Variants in RRP1B observed in about 807,000 individuals in gnomAD.
RRP1B encodes the protein ribosomal RNA processing 1B.
RRP1B carries 56 observed loss-of-function variants against 80.2 expected under a neutral mutation model. That is an observed-to-expected ratio of 0.70 (90% CI 0.56 to 0.87). The LOEUF (loss-of-function observed/expected upper bound fraction) is 0.87, where lower values mean the gene tolerates loss of function less well. Among genes scored for constraint, RRP1B ranks in the 40% least tolerant of loss-of-function variants. The pLI is 0.00. For missense variants in RRP1B, 807 were observed against 939.8 expected (o/e 0.86, Z 1.85); for synonymous variants, 351 against 357.6 (o/e 0.98, Z 0.21).
At position 43,691,403 on chromosome 21, in the gene RRP1B, G is replaced by T; in HGVS notation, c.2020-36G>T. 1 of 1,608,206 alleles carries T rather than the reference G, an allele frequency of 6.2e-7. No individual in the cohort carries two copies. ...GACTAAGCGCCTCCACTGCACTTGCGTCACTCCTTTTGTTCCTGTTATTTC... is the reference window on the plus strand; with the variant it reads ...GACTAAGCGCCTCCACTGCACTTGCTTCACTCCTTTTGTTCCTGTTATTTC... On this transcript the variant is annotated intron_variant, in intron 14 of 15. Transcript: ENST00000340648. This position sits in a 1 kb window ranked among gnomAD's most constrained non-coding sequence, Gnocchi z 4.2.
chr21:43,679,546 T>C (rs1488052045), intron 8 of RRP1B, among the ~76,000 whole-genome samples: 1 of 152,240 alleles, frequency 6.6e-6, no homozygotes, highest in Non-Finnish European at 1.5e-5. Context: ...GTGCCGGGAT[T>C]ACAGGCATGA....
At chr21:43,668,208 CAAA>C (rs774028334) in intron 1 of RRP1B, among the ~76,000 whole-genome samples, 3 of 118,438 alleles carry the variant, frequency 2.5e-5, no homozygotes, top group Non-Finnish European at 3.7e-5. Context: ...GACTCTATCT[CAAA>C]AAAAAAAAAA....
rs1383076967 is a variant in RRP1B at position 43,685,753 on chromosome 21, TA to T, written c.990-16del. 6 of 1,486,812 alleles carry T rather than the reference TA, an allele frequency of 4.0e-6. No individual in the cohort carries two copies. Among genetic ancestry groups the T allele is most frequent in the South Asian group, 1.4e-5 (1 of 70,346 alleles). 92.1% of individuals were successfully genotyped at this position (1,486,812 alleles called of 1,614,324 possible). On this transcript the variant is annotated splice_polypyrimidine_tract_variant and intron_variant, in intron 10 of 15. Transcript: ENST00000340648. The stretch of plus-strand genomic sequence containing the variant: ...TGTTATTTTTTTATTTTTTATTTTT[TA>T]TTTTTTTATTTTTAGATTCCAAGAC...
In RRP1B at chr21:43,659,937, A is replaced by T. The variant is rs547422398; in HGVS notation, c.130+143A>T. 308 of 955,918 alleles carry T rather than the reference A, an allele frequency of 3.2e-4. 2 individuals carry two copies. The Middle Eastern group carries it at 4.3e-3, about 13-fold the overall frequency. 59.2% of individuals were successfully genotyped at this position (955,918 alleles called of 1,614,324 possible). ...GTGCTTCGGTTTCCGCGCTGCCGGA[A>T]CCGCTTCTTGCTGTGTCTAGTGCCT... On this transcript the variant is annotated intron_variant, in intron 1 of 15. Coordinates refer to ENST00000340648, the MANE Select transcript of RRP1B (RefSeq NM_015056.3). This position sits in a 1 kb window ranked among gnomAD's most constrained non-coding sequence, Gnocchi z 4.2.
In RRP1B at chr21:43,688,036, C is replaced by T. The variant is rs754666630; in HGVS notation, c.1662C>T (p.Pro554=). ...AGCAGGAAGGCCCTCCCACAGGCCC[C>T]GCAGAGGGGGCGAACAGCCACACCA... is the stretch of plus-strand genomic sequence containing the variant. ...PLQQEGPPTG[P]AEGANSHTTL... is the part of the protein sequence containing the mutation. The change falls in exon 13 of 16, where the codon CCC becomes CCT. Residue 554 remains proline, a synonymous_variant. Coordinates refer to ENST00000340648, the MANE Select transcript of RRP1B (RefSeq NM_015056.3). 6.8e-6 allele frequency: 11 copies of T among 1,612,032 alleles called. No individual in the cohort carries two copies. The highest frequency in any genetic ancestry group is 1.3e-5 in the African/African-American group (1 of 74,914).
At chr21:43,680,178 A>C (rs2083037779) in intron 8 of RRP1B, among the ~76,000 whole-genome samples, 1 of 152,080 alleles carries the variant, frequency 6.6e-6, no homozygotes, top group Non-Finnish European at 1.5e-5. Flanking sequence ...GATGCCGTTT[A>C]TTTCTTTTCT....
chr21:43,688,920 G>A (rs2083075344), intron 13 of RRP1B, among the ~76,000 whole-genome samples: 1 of 152,214 alleles, frequency 6.6e-6, no homozygotes, highest in Non-Finnish European at 1.5e-5. Context: ...CTCCCAAGTA[G>A]CTGGAATTAC....
chr21:43,695,066 C>T lies in RRP1B; in HGVS notation c.*1683C>T. ...CTGTAATGAGAAGTCTTACGTACAA[C>T]ATAGCTGTGGTGGCTTAATGGCTGC... is the stretch of plus-strand genomic sequence containing the variant. On this transcript the variant is annotated 3_prime_UTR_variant, in exon 16 of 16. Transcript: ENST00000340648. The T allele has an allele frequency of 1.1e-5, 1 of 91,630 alleles. No homozygotes were observed. 5.7% of individuals were successfully genotyped at this position (91,630 alleles called of 1,614,324 possible).
chr21:43,672,175 C>A, intron 2 of RRP1B, 133 bp from the exon 3 acceptor site: 1 of 719,860 alleles, frequency 1.4e-6, no homozygotes, highest in Non-Finnish European at 2.5e-6. Context: ...CGGATACATA[C>A]TTCTTAGTGG....
chr21:43,683,872 G>T (rs955047003), intron 9 of RRP1B, among the ~76,000 whole-genome samples: 1 of 151,040 alleles, frequency 6.6e-6, no homozygotes, highest in Non-Finnish European at 1.5e-5. Context: ...CCAGCTACTC[G>T]GGAGGCTGAG....
In RRP1B at chr21:43,691,337, T is replaced by A. The variant is rs1442407940; in HGVS notation, c.2020-102T>A. 9.7e-7 allele frequency: 1 copy of A among 1,035,092 alleles called. No individual in the cohort carries two copies. Among genetic ancestry groups the A allele is most frequent in the Non-Finnish European group, 1.5e-6 (1 of 679,826 alleles). The allele number at this position is 1,035,092 out of a possible 1,614,324, so 64.1% of individuals were successfully genotyped here. A position where few individuals can be genotyped will look rare whatever the true frequency, so the allele number is the denominator to read the frequency against. On this transcript the variant is annotated intron_variant, in intron 14 of 15. Transcript: ENST00000340648. This position sits in a 1 kb window ranked among gnomAD's most constrained non-coding sequence, Gnocchi z 4.2. Reference sequence around the variant, plus strand: ...ATGTGCCACTCAGTAAGCAGCAGTGTGGGCGGCATACCCTCCAGGGCAGGT... The same window carrying A: ...ATGTGCCACTCAGTAAGCAGCAGTGAGGGCGGCATACCCTCCAGGGCAGGT...
chr21:43,671,106 T>C (rs1276263999), intron 2 of RRP1B, among the ~76,000 whole-genome samples: 1 of 152,122 alleles, frequency 6.6e-6, no homozygotes, highest in Non-Finnish European at 1.5e-5. Flanking sequence ...AGTGTGCTTT[T>C]CTCACGGAAC....
rs113973438 is a variant in RRP1B, at chr21:43,691,640, T to A, written c.2083+138T>A. 3,248 of 444,686 alleles carry A rather than the reference T, an allele frequency of 7.3e-3. 9 individuals are homozygous for A. The highest frequency in any genetic ancestry group is 0.012 in the East Asian group (307 of 26,012). The allele number at this position is 444,686 out of a possible 1,614,324, so 27.5% of individuals were successfully genotyped here. A position where few individuals can be genotyped will look rare whatever the true frequency, so the allele number is the denominator to read the frequency against. On this transcript the variant is annotated intron_variant, in intron 15 of 15. Transcript: ENST00000340648. This position sits in a 1 kb window ranked among gnomAD's most constrained non-coding sequence, Gnocchi z 4.2. Reference sequence around the variant, plus strand: ...CACTGCCCATTTCTTTATTTTTATTTTTTTTTTTTTTTTGAGACAGAGTCT... The same window carrying A: ...CACTGCCCATTTCTTTATTTTTATTATTTTTTTTTTTTTGAGACAGAGTCT...
At chr21:43,665,479 ATTAG>A (rs1169140488) in intron 1 of RRP1B, among the ~76,000 whole-genome samples, 6 of 152,328 alleles carry the variant, frequency 3.9e-5, no homozygotes, top group Middle Eastern at 3.4e-3. Context: ...ACGTGTTTTT[ATTAG>A]TTAGGACTCT....
chr21:43,677,138 A>G (rs990380823), intron 8 of RRP1B, among the ~76,000 whole-genome samples: 4 of 151,994 alleles, frequency 2.6e-5, no homozygotes, highest in Admixed American at 6.6e-5. Flanking sequence ...GCATACACAC[A>G]TTTCTGTACC....
rs778534268 is a variant in RRP1B, at chr21:43,688,043, G to A, written c.1669G>A (p.Gly557Arg). Residue 557 changes from glycine (G) to arginine (R), a missense_variant, in exon 13 of 16, where the codon GGG becomes AGG. By Grantham distance (125) the Gly-to-Arg change is moderately radical. Transcript: ENST00000340648. ...QEGPPTGPAE[G>R]ANSHTTLPQR... Reference sequence around the variant, plus strand: ...AGGCCCTCCCACAGGCCCCGCAGAGGGGGCGAACAGCCACACCACGCTGCC... The same window carrying A: ...AGGCCCTCCCACAGGCCCCGCAGAGAGGGCGAACAGCCACACCACGCTGCC... 14 of 1,611,908 alleles carry A rather than the reference G, an allele frequency of 8.7e-6. No homozygotes were observed. The highest frequency in any genetic ancestry group is 1.3e-5 in the African/African-American group (1 of 74,924).
chr21:43,672,482 C>A, intron 3 of RRP1B, 117 bp downstream of exon 3: 2 of 847,498 alleles, frequency 2.4e-6, no homozygotes, highest in Non-Finnish European at 3.9e-6. Context: ...TTTTTAAAAG[C>A]TGTGATAAAC....
chr21:43,692,564 A>G (rs999293945), intron 15 of RRP1B, among the ~76,000 whole-genome samples: 1 of 150,784 alleles, frequency 6.6e-6, no homozygotes, highest in Non-Finnish European at 1.5e-5. Flanking sequence ...GTTTCACTGC[A>G]CTCCAGCCTG....
chr21:43,678,765 TAGTTTAATTA>T (rs913427702), intron 8 of RRP1B, among the ~76,000 whole-genome samples: 21 of 152,354 alleles, frequency 1.4e-4, no homozygotes, highest in Non-Finnish European at 2.6e-4. Flanking sequence ...AGAAGCTTTT[TAGTTTAATTA>T]AGTCACAGCT....
Sources: allele counts gnomAD v4.1 joint callset (sites outside exome capture counted in the v4.1 genomes callset), GRCh38; gene constraint gnomAD v4.1.1; non-coding constraint Gnocchi (gnomAD v3.1); transcripts MANE v1.5; gene names NCBI Gene and HGNC (gene_info 2026-07-23, HGNC 2026-07-21).